LIN28B: variants seen among roughly 807,000 people sequenced by gnomAD.
LIN28B encodes lin-28 RNA binding posttranscriptional regulator B, also known as protein lin-28 homolog B.
A neutral mutation model predicts 21.9 loss-of-function variants in LIN28B; 5 were observed. That is an observed-to-expected ratio of 0.23 (90% CI 0.12 to 0.48). LIN28B has a LOEUF of 0.48. Ranked by LOEUF, LIN28B falls within the 20% of genes least tolerant of loss-of-function variation. The pLI, the probability that LIN28B is intolerant of heterozygous loss-of-function variation, is 0.98. For missense variants in LIN28B, 245 were observed against 310.5 expected (o/e 0.79, Z 1.58); for synonymous variants, 109 against 111.3 (o/e 0.98, Z 0.13).
chr6:105,016,363 T>C (rs1771024887), intron 2 of LIN28B, among the ~76,000 whole-genome samples: 1 of 152,174 alleles, frequency 6.6e-6, no homozygotes, highest in Non-Finnish European at 1.5e-5. Flanking sequence ...AAGGTGAGCA[T>C]GGGTTGAGTA....
chr6:104,969,087 AT>A (rs544838015), intron 2 of LIN28B, among the ~76,000 whole-genome samples: 129 of 151,386 alleles, frequency 8.5e-4, no homozygotes, highest in Non-Finnish European at 1.5e-3. Flanking sequence ...TAAGCCATAC[AT>A]TTTTTTTTAA....
intron 2 of LIN28B, among the ~76,000 whole-genome samples, chr6:104,997,308 A>G (rs956372268): frequency 2.0e-5 from 3 of 151,052 alleles, no homozygotes; most frequent in South Asian, 4.2e-4. Flanking sequence ...AAAGAAAAAG[A>G]AAAGAAAAAG....
At chr6:104,963,102 C>T (rs567519550) in intron 2 of LIN28B, among the ~76,000 whole-genome samples, 43 of 152,190 alleles carry the variant, frequency 2.8e-4, no homozygotes, top group Admixed American at 4.6e-4. Context: ...GGTTGGAGTG[C>T]AGTGGCGCGA....
At chr6:104,958,006 C>T in intron 1 of LIN28B, 93 bp from the exon 2 acceptor site, 1 of 923,928 alleles carries the variant, frequency 1.1e-6, no homozygotes, top group African/African-American at 1.7e-5. Context: ...TACCCTTCCC[C>T]CCCAACCCCA....
chr6:105,005,305 G>A (rs2114298167), intron 2 of LIN28B, among the ~76,000 whole-genome samples: 1 of 152,010 alleles, frequency 6.6e-6, no homozygotes, highest in East Asian at 1.9e-4. Context: ...GTTTCACAGT[G>A]ATTTTGCAGG....
Position 105,078,765 on chromosome 6 carries a change from A to G in LIN28B, c.735A>G (p.Gln245=). Residue 245 remains glutamine (Q), a synonymous_variant, in exon 4 of 4, where the codon CAA becomes CAG. Transcript: ENST00000345080. ...AAAGCAAAAAGGGGCCTTCAGTTCA[A>G]AAAAGGAAAAAGACATAACAGGTCT... ...EEQSKKGPSV[Q]KRKKT The G allele has an allele frequency of 2.5e-6, 4 of 1,613,234 alleles. 1 individual carries two copies. The South Asian group carries it at 3.3e-5, about 13-fold the overall frequency.
In LIN28B at chr6:105,000,749, G is replaced by A. The variant is rs144997891; in HGVS notation, c.199-25549G>A. Among the ~76,000 whole-genome samples the A allele has an allele frequency of 4.4e-3, 666 of 152,040 alleles. 5 individuals are homozygous for A. Among genetic ancestry groups the A allele is most frequent in the African/African-American group, 0.015 (628 of 41,498 alleles). On this transcript the variant is annotated intron_variant, in intron 2 of 3. Coordinates refer to ENST00000345080, the MANE Select transcript of LIN28B (RefSeq NM_001004317.4). Reference sequence around the variant, plus strand: ...TCACTAAATATAAGATTTACTATATGCCAGTTGTTCTAAGCAGTTGACATA... The same window carrying A: ...TCACTAAATATAAGATTTACTATATACCAGTTGTTCTAAGCAGTTGACATA...
chr6:105,071,598 A>G (rs1300828714), intron 3 of LIN28B, among the ~76,000 whole-genome samples: 1 of 152,214 alleles, frequency 6.6e-6, no homozygotes, highest in African/African-American at 2.4e-5. Context: ...AGTGAGAGTT[A>G]CTAGGTCAGA....
At chr6:104,942,432 A>G (rs1232566604) in intron 2 of LIN28B, among the ~76,000 whole-genome samples, 1 of 152,184 alleles carries the variant, frequency 6.6e-6, no homozygotes, top group Non-Finnish European at 1.5e-5. Context: ...AGTTTTATGA[A>G]AGCTTTCAGG....
At chr6:104,992,196 GA>G (rs1391372582) in intron 2 of LIN28B, among the ~76,000 whole-genome samples, 2 of 152,026 alleles carry the variant, frequency 1.3e-5, no homozygotes, top group African/African-American at 4.8e-5. Context: ...AAGTAGCTGG[GA>G]TTACAGGCAT....
intron 3 of LIN28B, among the ~76,000 whole-genome samples, chr6:105,049,395 A>T (rs1771844238): frequency 6.6e-6 from 1 of 152,132 alleles, no homozygotes; most frequent in African/African-American, 2.4e-5. Context: ...GTTCTTTTAC[A>T]TTTGCTGAGG....
At chr6:104,951,167 C>G (rs2114553779) in intron 3 of LIN28B, among the ~76,000 whole-genome samples, 1 of 152,190 alleles carries the variant, frequency 6.6e-6, no homozygotes. Flanking sequence ...TTTTTAGTAA[C>G]AATCTTATTT....
At chr6:105,038,986 C>A (rs1317929276) in intron 3 of LIN28B, among the ~76,000 whole-genome samples, 1 of 152,118 alleles carries the variant, frequency 6.6e-6, no homozygotes, top group African/African-American at 2.4e-5. Context: ...TTGGCAATAT[C>A]TGGTGGAAGA....
At chr6:104,987,995 C>T (rs900324569) in intron 2 of LIN28B, among the ~76,000 whole-genome samples, 5 of 152,104 alleles carry the variant, frequency 3.3e-5, no homozygotes, top group Admixed American at 2.0e-4. Flanking sequence ...CTGCCTACCT[C>T]GGCTTCCCAA....
intron 2 of LIN28B, among the ~76,000 whole-genome samples, chr6:105,008,380 C>T (rs1770857606): frequency 6.6e-6 from 1 of 152,000 alleles, no homozygotes; most frequent in South Asian, 2.1e-4. Context: ...CGCGGTGGCT[C>T]ACGTCTGTAA....
intron 2 of LIN28B, among the ~76,000 whole-genome samples, chr6:104,982,833 C>G (rs945738343): frequency 1.3e-5 from 2 of 152,134 alleles, no homozygotes; most frequent in Non-Finnish European, 2.9e-5. Context: ...GGATCTTGCT[C>G]TGCTGTCCAG....
chr6:105,068,549 T>G (rs1772264696), intron 3 of LIN28B, among the ~76,000 whole-genome samples: 3 of 152,202 alleles, frequency 2.0e-5, no homozygotes, highest in Non-Finnish European at 4.4e-5. Flanking sequence ...TTTGGTTCCA[T>G]GAGACCACAG....
intron 2 of LIN28B, among the ~76,000 whole-genome samples, chr6:104,991,413 C>G (rs1429336940): frequency 7.0e-6 from 1 of 143,844 alleles, no homozygotes; most frequent in African/African-American, 2.6e-5. Flanking sequence ...ACATCCCAGA[C>G]GGGGCGGCGG....
intron 3 of LIN28B, among the ~76,000 whole-genome samples, chr6:105,071,398 A>G (rs1310922051): frequency 6.6e-6 from 1 of 152,126 alleles, no homozygotes; most frequent in Non-Finnish European, 1.5e-5. Context: ...GTTTTTTGGT[A>G]TATGTGGCTT....
Sources: gnomAD v4.1 joint callset for allele counts (sites outside exome capture counted in the v4.1 genomes callset) on GRCh38, gnomAD v4.1.1 for gene constraint, MANE v1.5 for transcripts, NCBI Gene and HGNC (gene_info 2026-07-23, HGNC 2026-07-21) for gene names.